The following TMEM248 variants were observed in gnomAD, a reference collection of about 807,000 sequenced individuals.
TMEM248 encodes the protein UPF0458 protein C7orf42.
A neutral mutation model predicts 30.3 loss-of-function variants in TMEM248; 9 were observed. That is an observed-to-expected ratio of 0.30 (90% CI 0.18 to 0.52). The LOEUF (loss-of-function observed/expected upper bound fraction) is 0.52. TMEM248 is among the 20% of genes least tolerant of loss of function. TMEM248 has a pLI of 0.97. For synonymous variants in TMEM248, 184 were observed against 154.4 expected, an observed-to-expected ratio of 1.19 and a Z score of -1.42; for missense variants, 338 against 403.3, an observed-to-expected ratio of 0.84 and a Z score of 1.39.
chr7:66,939,705 A>T (rs1472464015), intron 1 of TMEM248, among the ~76,000 whole-genome samples: 1 of 152,218 alleles, frequency 6.6e-6, no homozygotes, highest in Admixed American at 6.5e-5. Flanking sequence ...GTAAACAAGT[A>T]GGAAAATAAT....
intron 1 of TMEM248, among the ~76,000 whole-genome samples, chr7:66,923,169 G>A (rs1466308498): frequency 1.3e-5 from 2 of 151,124 alleles, no homozygotes; most frequent in East Asian, 3.9e-4. Flanking sequence ...TTCTTGAGGC[G>A]GAGTCTTGCT....
At chr7:66,940,099 G>A (rs1168743356) in intron 1 of TMEM248, among the ~76,000 whole-genome samples, 1 of 152,090 alleles carries the variant, frequency 6.6e-6, no homozygotes, top group African/African-American at 2.4e-5. Context: ...GATTACAGGT[G>A]TGCACCACTA....
Position 66,940,173 on chromosome 7 carries a change from C to T in TMEM248, c.-18-1675C>T, listed in dbSNP as rs891757833. On this transcript the variant is annotated intron_variant, in intron 1 of 6. Transcript: ENST00000341567. ...TTTGCCATGTTGGCCAGGCTGGTCT[C>T]GAACTCCTGACCTCAAGTGATCCAC... 1.1e-4 allele frequency among the ~76,000 whole-genome samples: 16 copies of T among 152,128 alleles called. No homozygotes were observed. The East Asian group carries it at 2.7e-3, about 26-fold the overall frequency.
At position 66,922,366 on chromosome 7, in the gene TMEM248, A is replaced by G. The variant is rs181568348; in HGVS notation, c.-19+905A>G. 5 of 152,342 alleles carry G rather than the reference A, an allele frequency of 3.3e-5. No homozygotes were observed. The East Asian group carries it at 9.7e-4, about 29-fold the overall frequency. The allele number at this position is 152,342 out of a possible 1,614,324, so 9.4% of individuals were successfully genotyped here. A position where few individuals can be genotyped will look rare whatever the true frequency, so the allele number is the denominator to read the frequency against. Reference sequence around the variant, plus strand: ...GTCAGCTTAGGGTCTCAGCATGTGTATCTCATTTGTAGATGAGTGTTCCAT... The same window carrying G: ...GTCAGCTTAGGGTCTCAGCATGTGTGTCTCATTTGTAGATGAGTGTTCCAT... On this transcript the variant is annotated intron_variant, in intron 1 of 6. Transcript: ENST00000341567.
At chr7:66,939,806 G>A (rs190840828) in intron 1 of TMEM248, among the ~76,000 whole-genome samples, 1 of 151,698 alleles carries the variant, frequency 6.6e-6, no homozygotes, top group Admixed American at 6.6e-5. Flanking sequence ...CGCTCTCGTT[G>A]GGCTCATAAA....
Position 66,936,194 on chromosome 7 carries a change from T to C in TMEM248, c.-18-5654T>C, listed in dbSNP as rs1364341771. On this transcript the variant is annotated intron_variant, in intron 1 of 6. Transcript: ENST00000341567. ...TTCAGTGTGATACTAGTTGTGGGCC[T>C]GTTGTATATGGCTTTCATTGTGTGA... Among the ~76,000 whole-genome samples, 5 of 152,352 alleles carry C rather than the reference T, an allele frequency of 3.3e-5. No individual in the cohort carries two copies. The East Asian group carries it at 9.6e-4, about 29-fold the overall frequency.
chr7:66,947,442 G>A (rs188136968), intron 3 of TMEM248, among the ~76,000 whole-genome samples: 4 of 152,070 alleles, frequency 2.6e-5, no homozygotes, highest in Non-Finnish European at 5.9e-5. Flanking sequence ...TCACTCTGTC[G>A]CCCAGGTTGG....
At chr7:66,923,559 A>G (rs930359301) in intron 1 of TMEM248, among the ~76,000 whole-genome samples, 1 of 152,244 alleles carries the variant, frequency 6.6e-6, no homozygotes, top group Non-Finnish European at 1.5e-5. Flanking sequence ...CACCCAGGCT[A>G]GGTAGCTGGA....
rs778257500 is a variant in TMEM248 at position 66,956,575 on chromosome 7, T to C, written c.*1053T>C. 1.4e-4 allele frequency: 21 copies of C among 152,222 alleles called. No individual in the cohort carries two copies. The highest frequency in any genetic ancestry group is 2.6e-4 in the Non-Finnish European group (18 of 68,034). 9.4% of individuals were successfully genotyped at this position (152,222 alleles called of 1,614,324 possible). On this transcript the variant is annotated 3_prime_UTR_variant, in exon 7 of 7. Coordinates refer to ENST00000341567, the MANE Select transcript of TMEM248 (RefSeq NM_017994.5). Reference sequence around the variant, plus strand: ...ATCTTCAGAAGGAAATGGCAACTAGTAGATCAGTAAAATTACGAAAACGAT... The same window carrying C: ...ATCTTCAGAAGGAAATGGCAACTAGCAGATCAGTAAAATTACGAAAACGAT...
intron 1 of TMEM248, 54 bp from the exon 2 acceptor site, chr7:66,941,794 A>G (rs1308009733): frequency 7.4e-6 from 11 of 1,492,702 alleles, no homozygotes; most frequent in Non-Finnish European, 9.9e-6. Context: ...CAAAAGAATC[A>G]TAGCTTTCCT....
At position 66,949,156 on chromosome 7, in the gene TMEM248, A is replaced by G. The variant is rs559532125; in HGVS notation, c.596+462A>G. ...TGTCTCTATTTAAAAAAAAAAAAAAAGAAAGAAAAAGAAAAAAGAAAAGAG... is the reference window on the plus strand; with the variant it reads ...TGTCTCTATTTAAAAAAAAAAAAAAGGAAAGAAAAAGAAAAAAGAAAAGAG... On this transcript the variant is annotated intron_variant, in intron 4 of 6. Transcript: ENST00000341567. 4.8e-4 allele frequency among the ~76,000 whole-genome samples: 72 copies of G among 151,070 alleles called. 1 individual carries two copies. The South Asian group carries it at 0.011, about 24-fold the overall frequency.
chr7:66,924,295 G>C (rs1791465723), intron 1 of TMEM248, among the ~76,000 whole-genome samples: 1 of 152,216 alleles, frequency 6.6e-6, no homozygotes, highest in Non-Finnish European at 1.5e-5. Context: ...CCCTTGCCCA[G>C]TACTGAAGAA....
chr7:66,942,733 T>G (rs1299059902), intron 2 of TMEM248, among the ~76,000 whole-genome samples: 1 of 152,088 alleles, frequency 6.6e-6, no homozygotes, highest in African/African-American at 2.4e-5. Flanking sequence ...TGACCTCAGG[T>G]GATCCACCCA....
intron 1 of TMEM248, among the ~76,000 whole-genome samples, chr7:66,940,284 G>A (rs1378999524): frequency 6.6e-6 from 1 of 152,154 alleles, no homozygotes; most frequent in East Asian, 1.9e-4. Context: ...GAGCAAACGT[G>A]GAAATGTTTG....
At position 66,957,006 on chromosome 7, in the gene TMEM248, C is replaced by G. The variant is rs1280089825; in HGVS notation, c.*1484C>G. On this transcript the variant is annotated 3_prime_UTR_variant, in exon 7 of 7. Transcript: ENST00000341567. ...CACCATTTTGTTTGATTGTCTAGTC[C>G]CTGTTTCTTTTTCTTTCTAATCCTT... 1 of 152,596 alleles carries G rather than the reference C, an allele frequency of 6.6e-6. No individual in the cohort carries two copies. 9.5% of individuals were successfully genotyped at this position (152,596 alleles called of 1,614,324 possible).
At chr7:66,932,691 T>A (rs1332272603) in intron 1 of TMEM248, among the ~76,000 whole-genome samples, 6 of 151,122 alleles carry the variant, frequency 4.0e-5, no homozygotes, top group Admixed American at 6.6e-5. Flanking sequence ...ATTTGTTGTA[T>A]TTTTAGTAGA....
intron 2 of TMEM248, among the ~76,000 whole-genome samples, chr7:66,944,004 A>G (rs1792031640): frequency 6.6e-6 from 1 of 151,806 alleles, no homozygotes; most frequent in Admixed American, 6.6e-5. Flanking sequence ...CATGTTATCC[A>G]TGCTGGTCTC....
intron 2 of TMEM248, among the ~76,000 whole-genome samples, chr7:66,942,693 G>T (rs554847688): frequency 6.6e-6 from 1 of 151,890 alleles, no homozygotes; most frequent in Non-Finnish European, 1.5e-5. Flanking sequence ...ACGGGGTTTC[G>T]CCACGTTGGC....
chr7:66,922,183 T>G (rs558109318), intron 1 of TMEM248: 25 of 152,326 alleles, frequency 1.6e-4, no homozygotes, highest in African/African-American at 6.0e-4. Flanking sequence ...ATGGTGAGCT[T>G]CTCTGAAGCC....
Sources: gnomAD v4.1 joint callset for allele counts (sites outside exome capture counted in the v4.1 genomes callset) on GRCh38, gnomAD v4.1.1 for gene constraint, MANE v1.5 for transcripts, NCBI Gene and HGNC (gene_info 2026-07-23, HGNC 2026-07-21) for gene names.